RAB3B: variants seen among roughly 807,000 people sequenced by gnomAD.
The protein encoded by RAB3B is RAB3B, member RAS oncogene family.
A neutral mutation model predicts 20.5 loss-of-function variants in RAB3B; 11 were observed. That is an observed-to-expected ratio of 0.54 (90% CI 0.34 to 0.89). The LOEUF is 0.89. RAB3B is among the 40% of genes least tolerant of loss of function. The pLI is 0.02. For missense variants in RAB3B, 225 were observed against 280.9 expected, an observed-to-expected ratio of 0.80 and a Z score of 1.42; for synonymous variants, 99 against 106.3, an observed-to-expected ratio of 0.93 and a Z score of 0.42.
At chr1:51,989,208 TTGTG>T (rs60661761) in intron 1 of RAB3B, among the ~76,000 whole-genome samples, 8,691 of 99,676 alleles carry the variant, frequency 0.087, 361 homozygotes, top group South Asian at 0.11. Flanking sequence ...CCATCTTGTT[TTGTG>T]TGTGTGTGTG....
chr1:51,947,522 C>G (rs1172029533), intron 2 of RAB3B, among the ~76,000 whole-genome samples: 6 of 152,138 alleles, frequency 3.9e-5, no homozygotes, highest in Non-Finnish European at 8.8e-5. Context: ...CCTCCCAATA[C>G]AGGAAGTCCT....
At position 51,915,363 on chromosome 1, in the gene RAB3B, T is replaced by G. The variant is rs1404849277; in HGVS notation, c.*4564A>C. The G allele has an allele frequency of 6.6e-6, 1 of 152,150 alleles. No homozygotes were observed. The highest frequency in any genetic ancestry group is 1.5e-5 in the Non-Finnish European group (1 of 68,028). 9.4% of individuals were successfully genotyped at this position (152,150 alleles called of 1,614,324 possible). On this transcript the variant is annotated 3_prime_UTR_variant, in exon 5 of 5. Transcript: ENST00000371655. ...CAGGACCTAGTCCTGGCTCCATCAC[T>G]GTGATACTCTCAGAATAATTAGGAG...
intron 2 of RAB3B, among the ~76,000 whole-genome samples, chr1:51,961,147 T>C (rs1684778928): frequency 6.6e-6 from 1 of 152,094 alleles, no homozygotes; most frequent in African/African-American, 2.4e-5. Context: ...GCCCAGAACA[T>C]GCAGCAGCTT....
intron 2 of RAB3B, among the ~76,000 whole-genome samples, chr1:51,940,912 G>A (rs185142882): frequency 1.3e-5 from 2 of 151,944 alleles, no homozygotes; most frequent in African/African-American, 2.4e-5. Context: ...GTCATGTATT[G>A]GCTCTTAAAA....
chr1:51,937,238 A>G (rs1684417801), intron 3 of RAB3B, 56 bp downstream of exon 3: 2 of 1,334,942 alleles, frequency 1.5e-6, no homozygotes, highest in Non-Finnish European at 1.1e-6. Flanking sequence ...GACCTAGCAC[A>G]TGTTAGGTTT....
intron 3 of RAB3B, 70 bp from the exon 4 acceptor site, chr1:51,933,512 A>T: frequency 6.9e-7 from 1 of 1,446,838 alleles, no homozygotes; most frequent in Non-Finnish European, 9.5e-7. Context: ...CCCACCTCCA[A>T]ATTTACATGT....
At chr1:51,941,886 A>T (rs1684499952) in intron 2 of RAB3B, among the ~76,000 whole-genome samples, 1 of 152,246 alleles carries the variant, frequency 6.6e-6, no homozygotes, top group Non-Finnish European at 1.5e-5. Flanking sequence ...AAATGAATAG[A>T]TGAATGGATA....
intron 1 of RAB3B, among the ~76,000 whole-genome samples, chr1:51,981,223 G>T (rs916043171): frequency 6.6e-6 from 1 of 152,082 alleles, no homozygotes; most frequent in Non-Finnish European, 1.5e-5. Context: ...TAGAGATGGG[G>T]TTTCACCATG....
Position 51,977,066 on chromosome 1 carries a change from T to A in RAB3B, c.52A>T (p.Asn18Tyr). 1 of 1,614,158 alleles carries A rather than the reference T, an allele frequency of 6.2e-7. No individual in the cohort carries two copies. Among genetic ancestry groups the A allele is most frequent in the Admixed American group, 1.7e-5 (1 of 60,020 alleles). Residue 18 changes from asparagine to tyrosine, a missense_variant, in exon 2 of 5, where the codon AAT becomes TAT. By Grantham distance (143) the Asn-to-Tyr change is moderately radical. Transcript: ENST00000371655. ...AGCAGTTTAAACATGTAGTCAAAAT[T>A]CTGGTCAGAGGCATCTTTGACTCCA... ...KTGVKDASDQ[N>Y]FDYMFKLLII... is the part of the protein sequence containing the mutation.
At position 51,909,504 on chromosome 1, in the gene RAB3B, G is replaced by A. The variant is rs1001660988; in HGVS notation, c.*10423C>T. 3.9e-5 allele frequency: 6 copies of A among 152,030 alleles called. No homozygotes were observed. The highest frequency in any genetic ancestry group is 1.2e-4 in the African/African-American group (5 of 41,406). 9.4% of individuals were successfully genotyped at this position (152,030 alleles called of 1,614,324 possible). ...CTGGAATCCTGGTTTTCTGAATGTC[G>A]GAGGGCACCTCTAACAAAGGCTCTG... On this transcript the variant is annotated 3_prime_UTR_variant, in exon 5 of 5. Coordinates refer to ENST00000371655, the MANE Select transcript of RAB3B (RefSeq NM_002867.4).
chr1:51,977,142 C>A, intron 1 of RAB3B, 25 bp from the exon 2 acceptor site: 6 of 1,588,460 alleles, frequency 3.8e-6, no homozygotes, highest in Non-Finnish European at 5.2e-6. Context: ...TAGAGTCACT[C>A]AGGAACAGAC....
At position 51,914,618 on chromosome 1, in the gene RAB3B, A is replaced by T. The variant is rs1684055704; in HGVS notation, c.*5309T>A. 6.6e-6 allele frequency: 1 copy of T among 152,194 alleles called. No individual in the cohort carries two copies. Among genetic ancestry groups the T allele is most frequent in the Admixed American group, 6.5e-5 (1 of 15,278 alleles). 9.4% of individuals were successfully genotyped at this position (152,194 alleles called of 1,614,324 possible). On this transcript the variant is annotated 3_prime_UTR_variant, in exon 5 of 5. Coordinates refer to ENST00000371655, the MANE Select transcript of RAB3B (RefSeq NM_002867.4). The stretch of plus-strand genomic sequence containing the variant: ...TGTCTACTTCATATAATGGATCAGG[A>T]CCTTAAAAAACCATCATTTAACAGT...
rs1248023435 is a variant in RAB3B, at chr1:51,909,174, T to C, written c.*10753A>G. 1 of 152,066 alleles carries C rather than the reference T, an allele frequency of 6.6e-6. No individual in the cohort carries two copies. Among genetic ancestry groups the C allele is most frequent in the Non-Finnish European group, 1.5e-5 (1 of 68,028 alleles). 9.4% of individuals were successfully genotyped at this position (152,066 alleles called of 1,614,324 possible). The stretch of plus-strand genomic sequence containing the variant: ...CCTGGTATTTCTAGATGAGGTTAGG[T>C]TCCTGGGACAGGAGTGTGTATTGAG... On this transcript the variant is annotated 3_prime_UTR_variant, in exon 5 of 5. Transcript: ENST00000371655.
intron 4 of RAB3B, among the ~76,000 whole-genome samples, chr1:51,928,220 C>A (rs1684272867): frequency 6.6e-6 from 1 of 152,212 alleles, no homozygotes; most frequent in African/African-American, 2.4e-5. Context: ...GATTCTCCTG[C>A]CTCAGCCTCT....
At chr1:51,920,529 G>A (rs186609895) in intron 4 of RAB3B, among the ~76,000 whole-genome samples, 83 of 152,296 alleles carry the variant, frequency 5.4e-4, no homozygotes, top group Middle Eastern at 3.4e-3. Context: ...ATGCATAAAC[G>A]TGTGTCCACA....
chr1:51,912,554 A>AAAATATAT lies in RAB3B; in HGVS notation c.*7372_*7373insATATATTT, dbSNP rs1491223921. 3.2e-3 allele frequency: 49 copies of AAAATATAT among 15,482 alleles called. 1 individual carries two copies. The highest frequency in any genetic ancestry group is 5.1e-3 in the Non-Finnish European group (35 of 6,818). 1.0% of individuals were successfully genotyped at this position (15,482 alleles called of 1,614,324 possible). A position where few individuals can be genotyped will look rare whatever the true frequency, so the allele number is the denominator to read the frequency against. On this transcript the variant is annotated 3_prime_UTR_variant, in exon 5 of 5. Coordinates refer to ENST00000371655, the MANE Select transcript of RAB3B (RefSeq NM_002867.4). The stretch of plus-strand genomic sequence containing the variant: ...AGACCGTCTCTATTAAAAAAAAAAA[A>AAAATATAT]ATATATATATATATATATATATATA...
chr1:51,950,976 G>A (rs1445831663), intron 2 of RAB3B, among the ~76,000 whole-genome samples: 3 of 152,096 alleles, frequency 2.0e-5, no homozygotes, highest in Admixed American at 6.5e-5. Flanking sequence ...GAGACACAGA[G>A]GACTGAAAGT....
Position 51,919,815 on chromosome 1 carries a change from G to T in RAB3B, c.*112C>A. On this transcript the variant is annotated 3_prime_UTR_variant, in exon 5 of 5. Transcript: ENST00000371655. ...ATAGCAGCAACTCATCTTGCTCTGAGTGTGGGCAGTGTGTAACAGGGAGAG... is the reference window on the plus strand; with the variant it reads ...ATAGCAGCAACTCATCTTGCTCTGATTGTGGGCAGTGTGTAACAGGGAGAG... 9.0e-7 allele frequency: 1 copy of T among 1,110,646 alleles called. No individual in the cohort carries two copies. Among genetic ancestry groups the T allele is most frequent in the South Asian group, 1.7e-5 (1 of 60,118 alleles). 68.8% of individuals were successfully genotyped at this position (1,110,646 alleles called of 1,614,324 possible). A position where few individuals can be genotyped will look rare whatever the true frequency, so the allele number is the denominator to read the frequency against.
At chr1:51,953,349 G>A (rs771081589) in intron 2 of RAB3B, among the ~76,000 whole-genome samples, 7 of 152,138 alleles carry the variant, frequency 4.6e-5, no homozygotes, top group Non-Finnish European at 1.0e-4. Flanking sequence ...GGAGAGAAGT[G>A]AGGTGGAAGA....
Sources: allele counts gnomAD v4.1 joint callset (sites outside exome capture counted in the v4.1 genomes callset), GRCh38; gene constraint gnomAD v4.1.1; transcripts MANE v1.5; gene names NCBI Gene and HGNC (gene_info 2026-07-23, HGNC 2026-07-21).